TAB2: variants seen among roughly 807,000 people sequenced by gnomAD.
The protein encoded by TAB2 is TGF-beta activated kinase 1 (MAP3K7) binding protein 2, also known as TGF-beta-activated kinase 1 and MAP3K7-binding protein 2.
TAB2 carries 3 observed loss-of-function variants against 65.0 expected under a neutral mutation model. The ratio of observed to expected loss-of-function variants is 0.05; its 90% CI spans 0.02 to 0.12. The LOEUF (loss-of-function observed/expected upper bound fraction) is 0.12, where lower values mean the gene tolerates loss of function less well. Ranked by LOEUF, TAB2 falls within the 10% of genes least tolerant of loss-of-function variation. The pLI, the probability that TAB2 is intolerant of heterozygous loss-of-function variation, is 1.00. For synonymous variants in TAB2, 298 were observed against 285.1 expected (o/e 1.05, Z -0.46); for missense variants, 623 against 840.3 (o/e 0.74, Z 3.20).
At chr6:149,314,847 G>A (rs1318566881), upstream of TAB2, among the ~76,000 whole-genome samples, 1 of 149,984 alleles carries the variant, frequency 6.7e-6, no homozygotes, top group East Asian at 2.0e-4. Flanking sequence ...GCTCTTGAAT[G>A]TAGTCCAGGA....
chr6:149,235,861 C>G (rs1376383312), intron 1 of TAB2, among the ~76,000 whole-genome samples: 1 of 152,140 alleles, frequency 6.6e-6, no homozygotes, highest in Admixed American at 6.5e-5. Flanking sequence ...TTCAAGAGGT[C>G]CCTTTGACTT....
intron 6 of TAB2, among the ~76,000 whole-genome samples, chr6:149,403,355 C>A (rs1221669175): frequency 1.4e-5 from 2 of 141,532 alleles, no homozygotes; most frequent in African/African-American, 5.5e-5. Context: ...CACACACACA[C>A]ACACACACAC....
At chr6:149,254,958 G>T (rs953916036) in intron 1 of TAB2, among the ~76,000 whole-genome samples, 11 of 152,218 alleles carry the variant, frequency 7.2e-5, no homozygotes, top group African/African-American at 2.7e-4. Flanking sequence ...AGACCTTAAA[G>T]TTGTTGCTGG....
chr6:149,250,754 A>T (rs1172362632), intron 1 of TAB2, among the ~76,000 whole-genome samples: 1 of 152,206 alleles, frequency 6.6e-6, no homozygotes, highest in Non-Finnish European at 1.5e-5. Flanking sequence ...AGGTACGTTG[A>T]ATTGATGAGG....
At chr6:149,323,415 T>C (rs1779513322) in intron 1 of TAB2, among the ~76,000 whole-genome samples, 1 of 152,180 alleles carries the variant, frequency 6.6e-6, no homozygotes, top group Admixed American at 6.5e-5. Context: ...TGCTCTTAAC[T>C]GTTAAAGAAC....
intron 3 of TAB2, among the ~76,000 whole-genome samples, chr6:149,385,898 A>G (rs1022768748): frequency 1.3e-5 from 2 of 152,244 alleles, no homozygotes; most frequent in Non-Finnish European, 2.9e-5. Context: ...CAAATGCAAT[A>G]AAAATGTGTT....
intron 1 of TAB2, chr6:149,246,294 AT>A (rs2114648258): frequency 6.6e-6 from 1 of 152,322 alleles, no homozygotes; most frequent in South Asian, 2.1e-4. Flanking sequence ...CTAAAAGCAA[AT>A]GGTCTGTTCA....
intron 1 of TAB2, among the ~76,000 whole-genome samples, chr6:149,343,974 A>T (rs1367794624): frequency 6.6e-6 from 1 of 152,232 alleles, no homozygotes; most frequent in Non-Finnish European, 1.5e-5. Flanking sequence ...TTAAAAGGCA[A>T]TCCTAATATT....
intron 6 of TAB2, among the ~76,000 whole-genome samples, chr6:149,402,534 G>A (rs1168656919): frequency 2.0e-5 from 3 of 149,842 alleles, no homozygotes; most frequent in Non-Finnish European, 3.0e-5. Flanking sequence ...ATGGCTTCAT[G>A]AGTGAATTCT....
chr6:149,372,193 A>T (rs1781251461), intron 2 of TAB2, among the ~76,000 whole-genome samples: 2 of 152,184 alleles, frequency 1.3e-5, no homozygotes, highest in South Asian at 4.1e-4. Context: ...CAAAAAAAAA[A>T]TAGAGCACTC....
chr6:149,294,464 ACT>A (rs1251649648), intron 1 of TAB2, among the ~76,000 whole-genome samples: 1 of 152,230 alleles, frequency 6.6e-6, no homozygotes, highest in Non-Finnish European at 1.5e-5. Context: ...ATTCTGAGAT[ACT>A]GAGGGTTAGG....
chr6:149,395,717 A>G (rs544755975), intron 3 of TAB2, among the ~76,000 whole-genome samples: 2 of 146,528 alleles, frequency 1.4e-5, no homozygotes, highest in South Asian at 4.3e-4. Context: ...TTTTTTTTTT[A>G]GATTTACTCA....
Position 149,397,575 on chromosome 6 carries a change from G to T in TAB2, c.1604-29G>T, listed in dbSNP as rs748214303. On this transcript the variant is annotated intron_variant, in intron 3 of 6. Coordinates refer to ENST00000637181, the MANE Select transcript of TAB2 (RefSeq NM_001292034.3). ...AAGGTTAATTGATTAAAGTGGGTGG[G>T]TCCTCATGTTTACTAATGTGTGTTG... 6.8e-6 allele frequency: 11 copies of T among 1,613,090 alleles called. No individual in the cohort carries two copies. In the African/African-American group the frequency reaches 1.2e-4, roughly 18 times the overall value.
rs994849201 is a variant in TAB2, at chr6:149,251,339, G to A, written c.-121+32563G>A. ...CTGGGGGAAGCTGGACTCCAGGGGC[G>A]AGCATTAGAGGAGGTGGAAAGGTGG... On this transcript the variant is annotated intron_variant, in intron 1 of 1. Coordinates refer to the TAB2 transcript ENST00000606202. Among the ~76,000 whole-genome samples, 7 of 152,104 alleles carry A rather than the reference G, an allele frequency of 4.6e-5. No homozygotes were observed. The East Asian group carries it at 9.6e-4, about 21-fold the overall frequency.
chr6:149,233,064 A>G (rs1024141645), intron 1 of TAB2, among the ~76,000 whole-genome samples: 2 of 152,210 alleles, frequency 1.3e-5, no homozygotes, highest in Non-Finnish European at 2.9e-5. Context: ...CCCTCACACC[A>G]GGAGTGATAT....
At chr6:149,391,423 G>C (rs1309013499) in intron 3 of TAB2, among the ~76,000 whole-genome samples, 1 of 151,644 alleles carries the variant, frequency 6.6e-6, no homozygotes, top group Non-Finnish European at 1.5e-5. Context: ...CCCCACTATG[G>C]TTTCTCCATT....
At chr6:149,346,197 C>T (rs906400127) in intron 1 of TAB2, among the ~76,000 whole-genome samples, 16 of 152,172 alleles carry the variant, frequency 1.1e-4, no homozygotes, top group Middle Eastern at 3.4e-3. Flanking sequence ...AGCAAATATC[C>T]ATGTACACTT....
upstream of TAB2, among the ~76,000 whole-genome samples, chr6:149,316,982 C>G (rs1779270109): frequency 1.3e-5 from 2 of 151,290 alleles, 1 homozygote; most frequent in South Asian, 4.1e-4. Context: ...CGCAGCGACC[C>G]GGCGCCAGCC....
At position 149,410,508 on chromosome 6, in the gene TAB2, C is replaced by T. The variant is rs1350544147; in HGVS notation, c.*789C>T. On this transcript the variant is annotated 3_prime_UTR_variant, in exon 7 of 7. Coordinates refer to ENST00000637181, the MANE Select transcript of TAB2 (RefSeq NM_001292034.3). Reference sequence around the variant, plus strand: ...GATCATGTCCCTTTTTAAGCCTTACCTGAGAGGAACAATGCCTTAAAATAA... The same window carrying T: ...GATCATGTCCCTTTTTAAGCCTTACTTGAGAGGAACAATGCCTTAAAATAA... 6.6e-6 allele frequency: 1 copy of T among 152,418 alleles called. No homozygotes were observed. Among genetic ancestry groups the T allele is most frequent in the Non-Finnish European group, 1.5e-5 (1 of 68,022 alleles). The allele number at this position is 152,418 out of a possible 1,614,324, so 9.4% of individuals were successfully genotyped here.
Sources: allele counts gnomAD v4.1 joint callset (sites outside exome capture counted in the v4.1 genomes callset), GRCh38; gene constraint gnomAD v4.1.1; transcripts MANE v1.5; gene names NCBI Gene and HGNC (gene_info 2026-07-23, HGNC 2026-07-21).